The following DOCK3 variants were observed in gnomAD, a reference collection of about 807,000 sequenced individuals.
The protein encoded by DOCK3 is dedicator of cytokinesis protein 3.
DOCK3 carries 60 observed loss-of-function variants against 265.6 expected under a neutral mutation model. The observed-to-expected ratio is 0.23, with a 90% CI of 0.18 to 0.28. The LOEUF is 0.28. Ranked by LOEUF, DOCK3 falls within the 10% of genes least tolerant of loss-of-function variation. The probability of loss-of-function intolerance (pLI) is 1.00; values close to 1 mark genes in which losing one functional copy is unlikely to be tolerated. For synonymous variants in DOCK3, 881 were observed against 938.0 expected (o/e 0.94, Z 1.11); for missense variants, 1,981 against 2,594.3 (o/e 0.76, Z 5.14).
At chr3:50,684,532 G>C (rs905196144) in intron 1 of DOCK3, among the ~76,000 whole-genome samples, 1 of 152,190 alleles carries the variant, frequency 6.6e-6, no homozygotes, top group African/African-American at 2.4e-5. Context: ...CTGTGGCTAA[G>C]TTCAGATGAC....
At chr3:50,858,276 T>G (rs2046715396) in intron 3 of DOCK3, among the ~76,000 whole-genome samples, 6 of 151,860 alleles carry the variant, frequency 4.0e-5, no homozygotes, top group Admixed American at 3.9e-4. Flanking sequence ...TGGGGCCTGT[T>G]GTGGGATGGG....
intron 32 of DOCK3, among the ~76,000 whole-genome samples, chr3:51,322,336 G>A (rs112361111): frequency 6.6e-6 from 1 of 152,206 alleles, no homozygotes; most frequent in African/African-American, 2.4e-5. Flanking sequence ...CAGAGAAGCT[G>A]GGACTACAGG....
At chr3:51,205,669 C>G (rs2089159730) in intron 12 of DOCK3, among the ~76,000 whole-genome samples, 1 of 152,092 alleles carries the variant, frequency 6.6e-6, no homozygotes, top group African/African-American at 2.4e-5. Context: ...TACCGCTACA[C>G]TCCAGCCTGG....
chr3:51,284,000 T>C (rs1399634836), intron 27 of DOCK3, among the ~76,000 whole-genome samples: 2 of 151,632 alleles, frequency 1.3e-5, no homozygotes, highest in Non-Finnish European at 2.9e-5. Flanking sequence ...ACACTTACAT[T>C]CGTGAGTTAA....
intron 5 of DOCK3, among the ~76,000 whole-genome samples, chr3:51,032,373 T>G (rs2080087337): frequency 6.6e-6 from 1 of 152,188 alleles, no homozygotes; most frequent in Non-Finnish European, 1.5e-5. Flanking sequence ...CTAAACTTTT[T>G]TATTGAGAAA....
intron 5 of DOCK3, among the ~76,000 whole-genome samples, chr3:51,014,617 A>T (rs1402170493): frequency 6.6e-6 from 1 of 152,024 alleles, no homozygotes; most frequent in African/African-American, 2.4e-5. Flanking sequence ...TTTGCTCAGA[A>T]TGGTTTTGGC....
At chr3:50,929,030 G>A (rs1482024104) in intron 4 of DOCK3, among the ~76,000 whole-genome samples, 1 of 152,204 alleles carries the variant, frequency 6.6e-6, no homozygotes, top group East Asian at 1.9e-4. Context: ...AGCTATGGAT[G>A]TTTGGCAGGT....
intron 12 of DOCK3, among the ~76,000 whole-genome samples, chr3:51,202,545 G>C (rs2088861731): frequency 6.6e-6 from 1 of 152,028 alleles, no homozygotes; most frequent in African/African-American, 2.4e-5. Context: ...CAACCAAAAA[G>C]AGTCCAGGAC....
At chr3:50,684,846 C>T (rs1007425280) in intron 1 of DOCK3, among the ~76,000 whole-genome samples, 2 of 152,000 alleles carry the variant, frequency 1.3e-5, no homozygotes, top group African/African-American at 4.8e-5. Context: ...AATTCAGTAT[C>T]TTGAATACAT....
chr3:50,831,677 CT>C (rs1387359525), intron 2 of DOCK3, among the ~76,000 whole-genome samples: 2 of 152,142 alleles, frequency 1.3e-5, no homozygotes, highest in Non-Finnish European at 2.9e-5. Context: ...GTGAATAGTG[CT>C]GCAATAAACA....
chr3:51,356,344 CAGGT>C (rs1163743939), intron 42 of DOCK3, 59 bp from the exon 43 acceptor site: 17 of 1,611,748 alleles, frequency 1.1e-5, no homozygotes, highest in Non-Finnish European at 1.4e-5. Context: ...TTTTATCCCT[CAGGT>C]AGGCAGGGTG....
chr3:50,774,251 A>G (rs1478870314), intron 1 of DOCK3, among the ~76,000 whole-genome samples: 2 of 152,022 alleles, frequency 1.3e-5, no homozygotes, highest in Admixed American at 1.3e-4. Flanking sequence ...ATTGATTTCT[A>G]CAAAAAAGTT....
chr3:51,009,237 C>A (rs542039544), intron 5 of DOCK3, among the ~76,000 whole-genome samples: 1 of 152,146 alleles, frequency 6.6e-6, no homozygotes, highest in South Asian at 2.1e-4. Flanking sequence ...GCTGTGAACC[C>A]ATCTGGTCCT....
At chr3:50,838,981 A>G (rs2045668950) in intron 2 of DOCK3, among the ~76,000 whole-genome samples, 1 of 152,218 alleles carries the variant, frequency 6.6e-6, no homozygotes, top group African/African-American at 2.4e-5. Context: ...GGCCTCCCTT[A>G]GAGATGATAA....
At chr3:50,931,108 C>T (rs564762097) in intron 4 of DOCK3, among the ~76,000 whole-genome samples, 48 of 152,278 alleles carry the variant, frequency 3.2e-4, no homozygotes, top group Middle Eastern at 3.4e-3. Flanking sequence ...CTGCTGCCAC[C>T]GCCCATGCCT....
At chr3:51,322,302 A>G (rs2083786194) in intron 32 of DOCK3, among the ~76,000 whole-genome samples, 1 of 152,170 alleles carries the variant, frequency 6.6e-6, no homozygotes, top group Non-Finnish European at 1.5e-5. Context: ...TCCTGGGTTC[A>G]TGCCATTCTC....
At chr3:51,155,244 A>C (rs553884697) in intron 10 of DOCK3, among the ~76,000 whole-genome samples, 49 of 152,128 alleles carry the variant, frequency 3.2e-4, no homozygotes, top group African/African-American at 1.2e-3. Flanking sequence ...AAGTGCTGGG[A>C]TTACAGGTAT....
chr3:51,314,023 G>C (rs1228968183), intron 31 of DOCK3, among the ~76,000 whole-genome samples: 11 of 152,124 alleles, frequency 7.2e-5, no homozygotes, highest in Non-Finnish European at 1.6e-4. Context: ...TCTTTTGGTG[G>C]AAATGACATT....
At chr3:50,824,932 A>G (rs2675834) in intron 2 of DOCK3, among the ~76,000 whole-genome samples, 14,363 of 152,236 alleles carry the variant, frequency 0.094, 839 homozygotes, top group Non-Finnish European at 0.12. Flanking sequence ...CCTTCTTGCA[A>G]TTTTGTTTAA....
Sources: allele counts gnomAD v4.1 joint callset (sites outside exome capture counted in the v4.1 genomes callset), GRCh38; gene constraint gnomAD v4.1.1; transcripts MANE v1.5; gene names NCBI Gene and HGNC (gene_info 2026-07-23, HGNC 2026-07-21).